The following RSBN1L variants were observed in gnomAD, a reference collection of about 807,000 sequenced individuals.
RSBN1L encodes the protein round spermatid basic protein 1 like.
Under a neutral mutation model 67.7 loss-of-function variants are expected in RSBN1L, and 30 were observed. The ratio of observed to expected loss-of-function variants is 0.44; its 90% CI spans 0.33 to 0.60. The LOEUF is 0.60. RSBN1L is among the 20% of genes least tolerant of loss of function. The pLI is 0.02. For missense variants in RSBN1L, 992 were observed against 1,031.7 expected (o/e 0.96, Z 0.53); for synonymous variants, 433 against 387.0 (o/e 1.12, Z -1.39).
At chr7:77,744,926 G>A (rs545406247) in intron 2 of RSBN1L, among the ~76,000 whole-genome samples, 9 of 152,076 alleles carry the variant, frequency 5.9e-5, no homozygotes, top group Non-Finnish European at 1.0e-4. Flanking sequence ...AATAGTTTTT[G>A]TTGTTTTCAG....
At chr7:77,704,311 T>C (rs1691735896) in intron 1 of RSBN1L, among the ~76,000 whole-genome samples, 1 of 152,200 alleles carries the variant, frequency 6.6e-6, no homozygotes, top group Admixed American at 6.5e-5. Flanking sequence ...TGAATTAAAC[T>C]TTTCAAGTAA....
At chr7:77,763,277 C>T (rs2150430673) in intron 3 of RSBN1L, among the ~76,000 whole-genome samples, 1 of 151,258 alleles carries the variant, frequency 6.6e-6, no homozygotes, top group African/African-American at 2.4e-5. Flanking sequence ...CCACCCCTAA[C>T]TCTAATTTGA....
intron 2 of RSBN1L, among the ~76,000 whole-genome samples, chr7:77,740,741 C>T (rs969626633): frequency 6.6e-6 from 1 of 151,896 alleles, no homozygotes; most frequent in Admixed American, 6.6e-5. Flanking sequence ...TCATAATTAG[C>T]CATTAACAAC....
intron 3 of RSBN1L, among the ~76,000 whole-genome samples, chr7:77,756,062 A>G (rs1791612881): frequency 6.6e-6 from 1 of 152,198 alleles, no homozygotes; most frequent in Non-Finnish European, 1.5e-5. Context: ...TATTCAAAAG[A>G]TCTAGAAAAA....
At position 77,779,549 on chromosome 7, in the gene RSBN1L, T is replaced by C. The variant is rs1229182328; in HGVS notation, c.*381T>C. 3 of 150,892 alleles carry C rather than the reference T, an allele frequency of 2.0e-5. No homozygotes were observed. Among genetic ancestry groups the C allele is most frequent in the Non-Finnish European group, 4.4e-5 (3 of 67,700 alleles). The allele number at this position is 150,892 out of a possible 1,614,324, so 9.3% of individuals were successfully genotyped here. Reference sequence around the variant, plus strand: ...TAGAGCTTATTTATATCCTTTTTTTTCATTTTAAATGTGTCAGCACTGTAG... The same window carrying C: ...TAGAGCTTATTTATATCCTTTTTTTCCATTTTAAATGTGTCAGCACTGTAG... On this transcript the variant is annotated 3_prime_UTR_variant, in exon 8 of 8. Transcript: ENST00000334955.
intron 6 of RSBN1L, among the ~76,000 whole-genome samples, chr7:77,773,979 C>T (rs1791879291): frequency 6.6e-6 from 1 of 152,116 alleles, no homozygotes; most frequent in South Asian, 2.1e-4. Context: ...AACTGAGGCT[C>T]AGGGCTGTCA....
intron 5 of RSBN1L, 97 bp from the exon 6 acceptor site, chr7:77,773,050 A>G (rs1460690150): frequency 1.6e-6 from 1 of 614,990 alleles, no homozygotes; most frequent in African/African-American, 1.8e-5. Flanking sequence ...TTTGAGAGCA[A>G]ATTTCATATA....
intron 3 of RSBN1L, among the ~76,000 whole-genome samples, chr7:77,753,141 A>G (rs1305618732): frequency 2.0e-5 from 3 of 152,190 alleles, no homozygotes; most frequent in East Asian, 1.9e-4. Flanking sequence ...GAGCATATGT[A>G]TGTGTTTCTT....
chr7:77,759,714 A>G (rs925743686), intron 3 of RSBN1L: 4 of 152,184 alleles, frequency 2.6e-5, no homozygotes, highest in African/African-American at 9.7e-5. Context: ...CTGTATCTCC[A>G]TATTTATGGT....
chr7:77,755,377 A>T (rs560396880), intron 3 of RSBN1L, among the ~76,000 whole-genome samples: 3 of 152,302 alleles, frequency 2.0e-5, no homozygotes, highest in African/African-American at 7.2e-5. Flanking sequence ...TAAAACTCTG[A>T]TAAGCAGCTG....
chr7:77,779,259 A>G lies in RSBN1L; in HGVS notation c.*91A>G, dbSNP rs781433610. The G allele has an allele frequency of 3.5e-4, 310 of 874,280 alleles. No individual in the cohort carries two copies. The highest frequency in any genetic ancestry group is 5.1e-4 in the Non-Finnish European group (292 of 574,314). 54.2% of individuals were successfully genotyped at this position (874,280 alleles called of 1,614,324 possible). On this transcript the variant is annotated 3_prime_UTR_variant, in exon 8 of 8. Coordinates refer to ENST00000334955, the MANE Select transcript of RSBN1L (RefSeq NM_198467.3). ...GAAAGCAAGCCAAGGACTTGCTCCT[A>G]TGTCTGTTACAAAACATAGTTTATG...
rs557510715 is a variant in RSBN1L at position 77,708,486 on chromosome 7, A to G, written c.586+11431A>G. On this transcript the variant is annotated intron_variant, in intron 1 of 7. Coordinates refer to ENST00000334955, the MANE Select transcript of RSBN1L (RefSeq NM_198467.3). Reference sequence around the variant, plus strand: ...AAGCTCCGCCTCCTGGGTTCATGCCATTCTCCTGCCTCAGCCTCCGGAGTA... The same window carrying G: ...AAGCTCCGCCTCCTGGGTTCATGCCGTTCTCCTGCCTCAGCCTCCGGAGTA... Among the ~76,000 whole-genome samples, 36 of 151,060 alleles carry G rather than the reference A, an allele frequency of 2.4e-4. No individual in the cohort carries two copies. In the East Asian group the frequency reaches 6.8e-3, roughly 28 times the overall value.
Position 77,753,427 on chromosome 7 carries a change from T to C in RSBN1L, c.1344+3363T>C, listed in dbSNP as rs58709984. Among the ~76,000 whole-genome samples the C allele has an allele frequency of 0.012, 1,779 of 152,330 alleles. 88 individuals are homozygous for C. In the East Asian group the frequency reaches 0.13, roughly 11 times the overall value. ...TTATTATCCAGTTGAATATCCTCTT[T>C]TGTAAAGTACCTGTCCACTCTGTCA... On this transcript the variant is annotated intron_variant, in intron 3 of 7. Transcript: ENST00000334955.
At chr7:77,757,327 T>C (rs1791633258) in intron 3 of RSBN1L, among the ~76,000 whole-genome samples, 1 of 152,244 alleles carries the variant, frequency 6.6e-6, no homozygotes, top group African/African-American at 2.4e-5. Flanking sequence ...TCCATCTTCA[T>C]CTGTATCCTT....
chr7:77,727,790 C>A (rs1226237073), intron 1 of RSBN1L, among the ~76,000 whole-genome samples: 1 of 152,072 alleles, frequency 6.6e-6, no homozygotes, highest in Non-Finnish European at 1.5e-5. Flanking sequence ...TATAACCTAG[C>A]TTCTTTCCTT....
chr7:77,779,352 C>G lies in RSBN1L; in HGVS notation c.*184C>G. 1 of 485,446 alleles carries G rather than the reference C, an allele frequency of 2.1e-6. No homozygotes were observed. The allele number at this position is 485,446 out of a possible 1,614,324, so 30.1% of individuals were successfully genotyped here. On this transcript the variant is annotated 3_prime_UTR_variant, in exon 8 of 8. Coordinates refer to ENST00000334955, the MANE Select transcript of RSBN1L (RefSeq NM_198467.3). ...TATTAAGCACTTAGGGCCAGATGCA[C>G]TGTAAACATTGCAGGTTTAAACATA...
At chr7:77,730,192 G>A (rs1019702249) in intron 1 of RSBN1L, among the ~76,000 whole-genome samples, 1 of 152,034 alleles carries the variant, frequency 6.6e-6, no homozygotes, top group African/African-American at 2.4e-5. Flanking sequence ...GTTTGCATCT[G>A]TTTCTCCCAC....
chr7:77,772,874 A>T (rs10224930), intron 5 of RSBN1L, among the ~76,000 whole-genome samples: 3,313 of 152,308 alleles, frequency 0.022, 117 homozygotes, highest in African/African-American at 0.075. Flanking sequence ...ACCCCAGGTA[A>T]AGATTCTGTG....
chr7:77,727,694 GGCATCAAGTACACCTCGT>G (rs1791225305), intron 1 of RSBN1L, among the ~76,000 whole-genome samples: 1 of 150,892 alleles, frequency 6.6e-6, no homozygotes. Context: ...TTACCCTCCT[GGCATCAAGTACACCTCGT>G]GCCTGAGCCT....
Sources: allele counts gnomAD v4.1 joint callset (sites outside exome capture counted in the v4.1 genomes callset), GRCh38; gene constraint gnomAD v4.1.1; transcripts MANE v1.5; gene names NCBI Gene and HGNC (gene_info 2026-07-23, HGNC 2026-07-21).